NEB: variants seen among roughly 807,000 people sequenced by gnomAD.
NEB encodes nemaline myopathy type 2.
A neutral mutation model predicts 952.2 loss-of-function variants in NEB; 512 were observed. The observed-to-expected ratio is 0.54, with a 90% confidence interval of 0.50 to 0.58. NEB has a LOEUF of 0.58. Among genes scored for constraint, NEB ranks in the 20% least tolerant of loss-of-function variants. NEB has a pLI of 0.00. For missense variants in NEB, 8,428 were observed against 9,231.1 expected, an observed-to-expected ratio of 0.91 and a Z score of 3.56; for synonymous variants, 2,900 against 3,149.8, an observed-to-expected ratio of 0.92 and a Z score of 2.66.
At chr2:151,699,343 A>G (rs1241007529) in intron 13 of NEB, among the ~76,000 whole-genome samples, 2 of 44,438 alleles carry the variant, frequency 4.5e-5, no homozygotes, top group East Asian at 6.2e-4. Flanking sequence ...GTGTCTTTAT[A>G]GCAGCATGAT....
intron 46 of NEB, 150 bp from the exon 47 acceptor site, chr2:151,659,319 C>G: frequency 2.0e-6 from 1 of 504,816 alleles, no homozygotes; most frequent in Non-Finnish European, 3.4e-6. Flanking sequence ...ATTTTTGAGA[C>G]AGAGTCTTGC....
intron 9 of NEB, among the ~76,000 whole-genome samples, chr2:151,719,886 C>CAAAAAAAA (rs34116466): frequency 9.7e-6 from 1 of 103,614 alleles, no homozygotes; most frequent in African/African-American, 4.0e-5. Context: ...GACCCTGTCT[C>CAAAAAAAA]AAAAAAAAAA....
intron 38 of NEB, among the ~76,000 whole-genome samples, chr2:151,670,731 T>C (rs1223355202): frequency 6.6e-6 from 1 of 152,200 alleles, no homozygotes; most frequent in East Asian, 1.9e-4. Context: ...CAGATAATGA[T>C]AGTAATAATG....
At chr2:151,547,942 T>C (rs73007903) in intron 131 of NEB, among the ~76,000 whole-genome samples, 109 of 152,344 alleles carry the variant, frequency 7.2e-4, no homozygotes, top group African/African-American at 2.5e-3. Flanking sequence ...TTCCACTTTC[T>C]ATCAGATGGT....
At chr2:151,521,138 A>G (rs2081685860) in intron 153 of NEB, among the ~76,000 whole-genome samples, 2 of 152,132 alleles carry the variant, frequency 1.3e-5, no homozygotes, top group South Asian at 4.1e-4. Flanking sequence ...AGTACCCCTC[A>G]TGGTTCATCA....
chr2:151,521,005 T>C (rs977916991), intron 153 of NEB, among the ~76,000 whole-genome samples: 1 of 152,230 alleles, frequency 6.6e-6, no homozygotes, highest in East Asian at 1.9e-4. Context: ...CTACTAGTTA[T>C]TCACTCTAGG....
chr2:151,721,625 A>C (rs556063902), intron 9 of NEB, among the ~76,000 whole-genome samples: 1 of 152,336 alleles, frequency 6.6e-6, no homozygotes, highest in African/African-American at 2.4e-5. Flanking sequence ...GCTATATCAT[A>C]CTTTTATTTT....
intron 161 of NEB, 140 bp downstream of exon 161, chr2:151,512,593 C>A: frequency 1.4e-6 from 1 of 704,502 alleles, no homozygotes; most frequent in Non-Finnish European, 2.5e-6. Context: ...GGAATACAGA[C>A]GTGAGCCACT....
Position 151,666,302 on chromosome 2 carries a change from T to G in NEB, c.4819A>C (p.Lys1607Gln). 5 of 1,613,954 alleles carry G rather than the reference T, an allele frequency of 3.1e-6. No homozygotes were observed. Among genetic ancestry groups the G allele is most frequent in the Non-Finnish European group, 4.2e-6 (5 of 1,179,858 alleles). ...PKLVHYMNVA[K>Q]IQSDREYKKG... ...TTGTACTCACGATCAGACTGGATTT[T>G]GGCCACATTCATGTAGTGAACCAGT... The change falls in exon 41 of 182, where the codon AAA becomes CAA. Residue 1607 changes from lysine (K) to glutamine (Q), a missense_variant. Around this residue, in one of 11 missense-constraint regions of NEB, gnomAD observed 2,851 missense variants for 2,791.5 expected, o/e 1.02. Coordinates refer to ENST00000397345, the MANE Select transcript of NEB (RefSeq NM_001164508.2).
Position 151,610,810 on chromosome 2 carries a change from G to A in NEB, c.11862C>T (p.Asp3954=), listed in dbSNP as rs1027329418. Reference sequence around the variant, plus strand: ...TCTTGGCCAGCAGGATATCTGGGGTGTCTGGCATCACGTGGATGGAGGTTT... The same window carrying A: ...TCTTGGCCAGCAGGATATCTGGGGTATCTGGCATCACGTGGATGGAGGTTT... ...ADKTSIHVMP[D]TPDILLAKSN... The change falls in exon 79 of 182, where the codon GAC becomes GAT. Residue 3954 remains aspartate (D), a synonymous_variant. Coordinates refer to ENST00000397345, the MANE Select transcript of NEB (RefSeq NM_001164508.2). 6 of 1,607,680 alleles carry A rather than the reference G, an allele frequency of 3.7e-6. No homozygotes were observed. Among genetic ancestry groups the A allele is most frequent in the Non-Finnish European group, 4.2e-6 (5 of 1,176,814 alleles).
chr2:151,553,815 G>A lies in NEB; in HGVS notation c.19626+13C>T. On this transcript the variant is annotated intron_variant, in intron 126 of 181. Coordinates refer to ENST00000397345, the MANE Select transcript of NEB (RefSeq NM_001164508.2). ...GGGGCCGTGGAGGGGTACTTCTTAA[G>A]TCACAGGCTTACATCGCTGATCTGA... is the stretch of plus-strand genomic sequence containing the variant. The A allele has an allele frequency of 6.3e-7, 1 of 1,598,280 alleles. No homozygotes were observed. The highest frequency in any genetic ancestry group is 8.5e-7 in the Non-Finnish European group (1 of 1,170,398).
At chr2:151,712,705 TC>T (rs935337491) in intron 10 of NEB, among the ~76,000 whole-genome samples, 11 of 151,956 alleles carry the variant, frequency 7.2e-5, no homozygotes, top group African/African-American at 2.7e-4. Flanking sequence ...AGGACAAGGG[TC>T]CATAGGTGAA....
At position 151,610,102 on chromosome 2, in the gene NEB, A is replaced by G. The variant is rs779279465; in HGVS notation, c.12037T>C (p.Tyr4013His). Residue 4013 changes from tyrosine to histidine, a missense_variant, in exon 81 of 182, where the codon TAT becomes CAT. Tyr to His is a moderately conservative substitution (Grantham distance 83). Around this residue, in one of 11 missense-constraint regions of NEB, gnomAD observed 337 missense variants for 297.5 expected, o/e 1.13. Coordinates refer to ENST00000397345, the MANE Select transcript of NEB (RefSeq NM_001164508.2). Reference sequence around the variant, plus strand: ...ATGTGGTGGCCTTTCTGTTTCTCATAGGCTTCCTTGTATTTGTACTAAAAT... The same window carrying G: ...ATGTGGTGGCCTTTCTGTTTCTCATGGGCTTCCTTGTATTTGTACTAAAAT... ...IASDYKYKEA[Y>H]EKQKGHHIGA... 2 of 1,611,300 alleles carry G rather than the reference A, an allele frequency of 1.2e-6. 1 individual carries two copies. Among genetic ancestry groups the G allele is most frequent in the Non-Finnish European group, 1.7e-6 (2 of 1,178,660 alleles).
intron 135 of NEB, among the ~76,000 whole-genome samples, 200 bp downstream of exon 135, chr2:151,545,688 G>A (rs1257640679): frequency 6.6e-6 from 1 of 152,102 alleles, no homozygotes; most frequent in African/African-American, 2.4e-5. Context: ...ACCAAAAGGG[G>A]GCAAAATAAG....
In NEB at chr2:151,561,280, T is replaced by C. The variant is rs1276676973; in HGVS notation, c.19029A>G (p.Leu6343=). 6.2e-7 allele frequency: 1 copy of C among 1,603,296 alleles called. No individual in the cohort carries two copies. The highest frequency in any genetic ancestry group is 1.7e-5 in the Admixed American group (1 of 58,570). The part of the protein sequence containing the change: ...LQYTAAGKEN[L]QNYNLVTDTP... ...TGTCTGTGACCAGATTATAGTTTTG[T>C]AGATTTTCTTTACCTGCTGCTGTAT... The change falls in exon 122 of 182, where the codon CTA becomes CTG. Residue 6343 remains leucine, a synonymous_variant. Transcript: ENST00000397345.
intron 165 of NEB, among the ~76,000 whole-genome samples, chr2:151,504,666 T>C (rs562428904): frequency 2.0e-4 from 31 of 152,326 alleles, no homozygotes; most frequent in Admixed American, 1.2e-3. Flanking sequence ...TTATTGGCCA[T>C]AAACTATTTC....
intron 23 of NEB, among the ~76,000 whole-genome samples, chr2:151,691,648 T>C (rs2099552029): frequency 6.6e-6 from 1 of 152,170 alleles, no homozygotes; most frequent in Admixed American, 6.5e-5. Flanking sequence ...TATAAACTAA[T>C]GAAAATTAAG....
intron 52 of NEB, among the ~76,000 whole-genome samples, chr2:151,652,825 C>A (rs919504776): frequency 6.6e-5 from 10 of 152,256 alleles, no homozygotes; most frequent in African/African-American, 2.4e-4. Flanking sequence ...AAATGAGGTA[C>A]TATCAAATGT....
chr2:151,644,864 T>C (rs747159745), intron 55 of NEB, among the ~76,000 whole-genome samples: 1 of 152,202 alleles, frequency 6.6e-6, no homozygotes, highest in Non-Finnish European at 1.5e-5. Context: ...GATTTTGTCC[T>C]TGTGGGAACA....
Sources: allele counts gnomAD v4.1 joint callset (sites outside exome capture counted in the v4.1 genomes callset), GRCh38; gene constraint gnomAD v4.1.1; regional missense constraint gnomAD v4.1.1; transcripts MANE v1.5; gene names NCBI Gene and HGNC (gene_info 2026-07-23, HGNC 2026-07-21).